BCL7C: variants seen among roughly 807,000 people sequenced by gnomAD.
BCL7C encodes the protein BAF chromatin remodeling complex subunit BCL7C, also known as B-cell CLL/lymphoma 7 protein family member C.
BCL7C carries 8 observed loss-of-function variants against 26.2 expected under a neutral mutation model. The ratio of observed to expected loss-of-function variants is 0.30; its 90% confidence interval spans 0.18 to 0.55. The LOEUF is 0.55. Ranked by LOEUF, BCL7C falls within the 20% of genes least tolerant of loss-of-function variation. The probability of loss-of-function intolerance (pLI) is 0.93; values close to 1 mark genes in which losing one functional copy is unlikely to be tolerated. For synonymous variants in BCL7C, 90 were observed against 116.5 expected, an observed-to-expected ratio of 0.77 and a Z score of 1.47; for missense variants, 262 against 298.5, an observed-to-expected ratio of 0.88 and a Z score of 0.90.
At chr16:30,873,607 G>C (rs1307891120) in intron 5 of BCL7C, among the ~76,000 whole-genome samples, 1 of 151,862 alleles carries the variant, frequency 6.6e-6, no homozygotes, top group Non-Finnish European at 1.5e-5. Flanking sequence ...CCAGCATTTG[G>C]GGAGGCTGGG....
intron 5 of BCL7C, among the ~76,000 whole-genome samples, chr16:30,856,708 C>T (rs2054725552): frequency 6.6e-6 from 1 of 152,160 alleles, no homozygotes; most frequent in South Asian, 2.1e-4. Context: ...CCGAGGGGCT[C>T]TATGTGTGTG....
At chr16:30,866,014 C>T (rs1370359743) in intron 5 of BCL7C, among the ~76,000 whole-genome samples, 4 of 151,502 alleles carry the variant, frequency 2.6e-5, no homozygotes, top group Non-Finnish European at 1.5e-5. Flanking sequence ...GTATTACAGG[C>T]GTGAGCCACC....
At chr16:30,840,569 G>A (rs890293084) in intron 5 of BCL7C, 4 of 152,228 alleles carry the variant, frequency 2.6e-5, no homozygotes, top group African/African-American at 9.7e-5. Context: ...AGTACTACCT[G>A]TGACTATGGA....
chr16:30,855,906 C>T (rs1176217869), intron 5 of BCL7C, among the ~76,000 whole-genome samples: 2 of 150,778 alleles, frequency 1.3e-5, no homozygotes, highest in Non-Finnish European at 3.0e-5. Flanking sequence ...ACTAAAAATA[C>T]AAAATTAGCC....
At chr16:30,879,246 C>T (rs2055001919) in intron 5 of BCL7C, among the ~76,000 whole-genome samples, 1 of 152,030 alleles carries the variant, frequency 6.6e-6, no homozygotes, top group South Asian at 2.1e-4. Flanking sequence ...TTCTGTTTTC[C>T]CAGATTTTTG....
rs115537999 is a variant in BCL7C at position 30,888,813 on chromosome 16, C to T, written c.528+47G>A. On this transcript the variant is annotated intron_variant, in intron 5 of 5. Coordinates refer to ENST00000215115, the MANE Select transcript of BCL7C (RefSeq NM_004765.4). Reference sequence around the variant, plus strand: ...TCCAAGCCTTCGACTGCCCAGATCCCCCATTCCCTCCAAGACCCAGGAGTC... The same window carrying T: ...TCCAAGCCTTCGACTGCCCAGATCCTCCATTCCCTCCAAGACCCAGGAGTC... The T allele has an allele frequency of 1.9e-3, 3,009 of 1,582,886 alleles. 57 individuals are homozygous for T. In the African/African-American group the frequency reaches 0.036, roughly 19 times the overall value.
chr16:30,878,410 G>A (rs2054987351), intron 5 of BCL7C, among the ~76,000 whole-genome samples: 2 of 151,934 alleles, frequency 1.3e-5, no homozygotes, highest in African/African-American at 2.4e-5. Context: ...GTGGTGGCAC[G>A]CGCCTGTAGT....
At chr16:30,843,029 C>G (rs1288117485) in intron 5 of BCL7C, among the ~76,000 whole-genome samples, 1 of 152,246 alleles carries the variant, frequency 6.6e-6, no homozygotes, top group Non-Finnish European at 1.5e-5. Context: ...TGTCACCAAT[C>G]CTGTTCTTTC....
At chr16:30,864,853 C>A (rs1201114217) in intron 5 of BCL7C, among the ~76,000 whole-genome samples, 2 of 137,664 alleles carry the variant, frequency 1.5e-5, no homozygotes, top group Non-Finnish European at 3.2e-5. Flanking sequence ...CCCACCCCCC[C>A]ACCCTTAAGA....
chr16:30,856,525 TTGC>T (rs1209452161), intron 5 of BCL7C, among the ~76,000 whole-genome samples: 1 of 152,152 alleles, frequency 6.6e-6, no homozygotes, highest in Non-Finnish European at 1.5e-5. Flanking sequence ...CTGTACGTTG[TTGC>T]TGCTATTTGT....
intron 5 of BCL7C, among the ~76,000 whole-genome samples, chr16:30,835,487 T>C (rs2054563741): frequency 6.6e-6 from 1 of 152,162 alleles, no homozygotes; most frequent in Admixed American, 6.5e-5. Context: ...GTCAGTGTGG[T>C]TGGTGCATCC....
intron 5 of BCL7C, among the ~76,000 whole-genome samples, chr16:30,865,727 CTTTTT>C (rs11333293): frequency 4.5e-5 from 3 of 66,722 alleles, no homozygotes; most frequent in Non-Finnish European, 9.0e-5. Context: ...CTTTTTTTTT[CTTTTT>C]TTTTTTTTTT....
At chr16:30,878,066 T>G (rs1297775003) in intron 5 of BCL7C, among the ~76,000 whole-genome samples, 2 of 151,804 alleles carry the variant, frequency 1.3e-5, no homozygotes, top group Non-Finnish European at 2.9e-5. Flanking sequence ...TCCCAGCTAC[T>G]TGGGAGGCTG....
intron 5 of BCL7C, among the ~76,000 whole-genome samples, chr16:30,847,391 G>C (rs571666991): frequency 6.6e-6 from 1 of 152,288 alleles, no homozygotes; most frequent in East Asian, 1.9e-4. Context: ...TCACTTTCCT[G>C]TCTGAAAAGG....
At chr16:30,866,633 A>G (rs2054832433) in intron 5 of BCL7C, among the ~76,000 whole-genome samples, 1 of 152,100 alleles carries the variant, frequency 6.6e-6, no homozygotes, top group African/African-American at 2.4e-5. Flanking sequence ...AAACCCACCA[A>G]AGTTAAAGAA....
intron 5 of BCL7C, among the ~76,000 whole-genome samples, chr16:30,861,835 T>C (rs572214469): frequency 6.6e-6 from 1 of 150,536 alleles, no homozygotes; most frequent in East Asian, 2.0e-4. Context: ...TCCCCAATTC[T>C]GGTGCCAACT....
At chr16:30,872,419 A>G (rs1315825591) in intron 5 of BCL7C, among the ~76,000 whole-genome samples, 10 of 152,182 alleles carry the variant, frequency 6.6e-5, no homozygotes, top group Admixed American at 6.5e-4. Flanking sequence ...AAGTGATGCC[A>G]GTAGCAACCA....
intron 5 of BCL7C, among the ~76,000 whole-genome samples, chr16:30,869,168 C>T (rs772248409): frequency 1.3e-5 from 2 of 152,190 alleles, no homozygotes; most frequent in African/African-American, 2.4e-5. Context: ...CTGTGTCACT[C>T]GGGGCCTATC....
chr16:30,850,362 AT>A (rs2054666037), intron 5 of BCL7C, among the ~76,000 whole-genome samples: 1 of 152,122 alleles, frequency 6.6e-6, no homozygotes, highest in African/African-American at 2.4e-5. Context: ...CTTACAAACT[AT>A]TTATCTTTGA....
Sources: gnomAD v4.1 joint callset for allele counts (sites outside exome capture counted in the v4.1 genomes callset) on GRCh38, gnomAD v4.1.1 for gene constraint, MANE v1.5 for transcripts, NCBI Gene and HGNC (gene_info 2026-07-23, HGNC 2026-07-21) for gene names.